Variants in RCOR1 observed in about 807,000 individuals in gnomAD.
RCOR1 encodes the protein REST corepressor 1.
RCOR1 carries 12 observed loss-of-function variants against 64.0 expected under a neutral mutation model. That is an observed-to-expected ratio of 0.19 (90% CI 0.12 to 0.30). The LOEUF is 0.30. Ranked by LOEUF, RCOR1 falls within the 10% of genes least tolerant of loss-of-function variation. RCOR1 has a pLI of 1.00. For missense variants in RCOR1, 502 were observed against 621.2 expected, an observed-to-expected ratio of 0.81 and a Z score of 2.04; for synonymous variants, 279 against 227.2, an observed-to-expected ratio of 1.23 and a Z score of -2.05.
intron 2 of RCOR1, among the ~76,000 whole-genome samples, chr14:102,616,208 G>GTA (rs1893756824): frequency 3.1e-4 from 1 of 3,274 alleles, no homozygotes. Context: ...ATGTGTATAT[G>GTA]TGTGTGTGTG....
chr14:102,637,111 G>T (rs758051482), intron 2 of RCOR1, among the ~76,000 whole-genome samples: 1,495 of 148,256 alleles, frequency 0.01, 23 homozygotes, highest in African/African-American at 0.035. Context: ...AGTTTTTTTT[G>T]TTTGTTTGTT....
At chr14:102,614,341 C>G (rs997083050) in intron 2 of RCOR1, among the ~76,000 whole-genome samples, 3 of 151,496 alleles carry the variant, frequency 2.0e-5, no homozygotes, top group Non-Finnish European at 2.9e-5. Context: ...TCTCCTGCCT[C>G]AGCCCCCCGA....
intron 3 of RCOR1, among the ~76,000 whole-genome samples, chr14:102,693,767 G>A (rs1718107618): frequency 6.6e-6 from 1 of 152,188 alleles, no homozygotes. Flanking sequence ...TTCTTTGTTT[G>A]GAGCAATTTG....
At chr14:102,693,064 C>T (rs1021296161) in intron 3 of RCOR1, among the ~76,000 whole-genome samples, 4 of 152,172 alleles carry the variant, frequency 2.6e-5, no homozygotes, top group African/African-American at 9.7e-5. Flanking sequence ...CTGCTCCCAG[C>T]CCACATCCCA....
intron 2 of RCOR1, chr14:102,657,559 T>C (rs968757842): frequency 1.9e-5 from 19 of 980,872 alleles, no homozygotes; most frequent in Non-Finnish European, 2.2e-5. Flanking sequence ...ATTGACTGAC[T>C]GGGTGCAGTG....
intron 2 of RCOR1, among the ~76,000 whole-genome samples, chr14:102,616,204 A>ATGTGTGTGTGTGTGTG (rs1893755620): frequency 1.6e-5 from 2 of 128,690 alleles, no homozygotes; most frequent in African/African-American, 6.0e-5. Flanking sequence ...ATACATGTGT[A>ATGTGTGTGTGTGTGTG]TATGTGTGTG....
At chr14:102,641,298 A>G (rs1228406706) in intron 2 of RCOR1, among the ~76,000 whole-genome samples, 3 of 152,014 alleles carry the variant, frequency 2.0e-5, no homozygotes, top group Non-Finnish European at 4.4e-5. Flanking sequence ...CAGTTATTCA[A>G]TAATAAATAA....
intron 3 of RCOR1, among the ~76,000 whole-genome samples, chr14:102,685,025 A>T (rs1447746760): frequency 3.3e-5 from 5 of 151,566 alleles, no homozygotes; most frequent in Non-Finnish European, 7.4e-5. Flanking sequence ...GATACTAAAA[A>T]ACTGTGTATA....
At chr14:102,608,845 A>G (rs1388725599) in intron 2 of RCOR1, among the ~76,000 whole-genome samples, 4 of 151,154 alleles carry the variant, frequency 2.6e-5, no homozygotes, top group Non-Finnish European at 5.9e-5. Context: ...GCTTATAGGC[A>G]TGAGCCACTA....
intron 1 of RCOR1, 28 bp from the exon 2 acceptor site, chr14:102,593,238 T>A: frequency 4.7e-6 from 7 of 1,495,118 alleles, no homozygotes; most frequent in Non-Finnish European, 6.2e-6. Flanking sequence ...CGCGCCGCGC[T>A]GACCGCCGTA....
intron 2 of RCOR1, among the ~76,000 whole-genome samples, chr14:102,594,530 G>T (rs1893204885): frequency 6.6e-6 from 1 of 152,150 alleles, no homozygotes; most frequent in South Asian, 2.1e-4. Flanking sequence ...GGAAATAAAT[G>T]ACTTCCTAAA....
intron 2 of RCOR1, among the ~76,000 whole-genome samples, chr14:102,652,411 A>G (rs1595213266): frequency 6.6e-6 from 1 of 152,230 alleles, no homozygotes; most frequent in South Asian, 2.1e-4. Context: ...AAGGCTGAGC[A>G]GTGAATTACA....
chr14:102,672,080 G>A (rs891704536), intron 2 of RCOR1, among the ~76,000 whole-genome samples: 1 of 152,114 alleles, frequency 6.6e-6, no homozygotes, highest in Non-Finnish European at 1.5e-5. Context: ...CGGTTGATGG[G>A]CATTTGGGTT....
chr14:102,713,146 G>A (rs1895995754), intron 7 of RCOR1, among the ~76,000 whole-genome samples: 2 of 151,038 alleles, frequency 1.3e-5, no homozygotes, highest in East Asian at 1.9e-4. Context: ...TAGAGACGGA[G>A]TTTCACCATC....
intron 2 of RCOR1, among the ~76,000 whole-genome samples, chr14:102,618,870 T>G (rs1353119834): frequency 6.6e-6 from 1 of 152,154 alleles, no homozygotes; most frequent in Non-Finnish European, 1.5e-5. Context: ...CAGAGTTTAC[T>G]CTTAGGGTGG....
At chr14:102,603,930 C>T (rs1053521447) in intron 2 of RCOR1, among the ~76,000 whole-genome samples, 4 of 151,848 alleles carry the variant, frequency 2.6e-5, no homozygotes, top group Non-Finnish European at 5.9e-5. Flanking sequence ...TTTGGATATT[C>T]TTTGTTAGAA....
In RCOR1 at chr14:102,611,337, G is replaced by A. The variant is rs1893630109; in HGVS notation, c.361+18012G>A. 2.0e-5 allele frequency among the ~76,000 whole-genome samples: 3 copies of A among 152,202 alleles called. No homozygotes were observed. In the South Asian group the frequency reaches 6.2e-4, roughly 32 times the overall value. On this transcript the variant is annotated intron_variant, in intron 2 of 11. Transcript: ENST00000262241. Reference sequence around the variant, plus strand: ...TCCCACTTTGGCCTCCCAAAGTGTAGGGATTACAGGCATGAGCCACCATGC... The same window carrying A: ...TCCCACTTTGGCCTCCCAAAGTGTAAGGATTACAGGCATGAGCCACCATGC...
rs1482566129 is a variant in RCOR1, at chr14:102,726,410, C to T, written c.1420-58C>T. The T allele has an allele frequency of 2.0e-6, 3 of 1,465,658 alleles. No individual in the cohort carries two copies. The African/African-American group carries it at 4.3e-5, about 21-fold the overall frequency. 90.8% of individuals were successfully genotyped at this position (1,465,658 alleles called of 1,614,324 possible). A position where few individuals can be genotyped will look rare whatever the true frequency, so the allele number is the denominator to read the frequency against. ...CTTTTCAGTACACTGGAAATAGCAG[C>T]TTGTGTTGTTTACCTACTCTTTGAT... On this transcript the variant is annotated intron_variant, in intron 11 of 11. Transcript: ENST00000262241.
intron 2 of RCOR1, chr14:102,655,604 T>A: frequency 1.7e-6 from 1 of 604,670 alleles, no homozygotes; most frequent in Non-Finnish European, 2.1e-6. Context: ...AATAAATATT[T>A]CCTTCTAGCT....
Sources: gnomAD v4.1 joint callset for allele counts (sites outside exome capture counted in the v4.1 genomes callset) on GRCh38, gnomAD v4.1.1 for gene constraint, MANE v1.5 for transcripts, NCBI Gene and HGNC (gene_info 2026-07-23, HGNC 2026-07-21) for gene names.